The following RIMBP2 variants were observed in gnomAD, a reference collection of about 807,000 sequenced individuals.
The protein encoded by RIMBP2 is RIMS binding protein 2.
Under a neutral mutation model 118.6 loss-of-function variants are expected in RIMBP2, and 48 were observed. That is an observed-to-expected ratio of 0.40 (90% CI 0.32 to 0.51). The LOEUF is 0.51. RIMBP2 is among the 20% of genes least tolerant of loss of function. RIMBP2 has a pLI of 0.41. For missense variants in RIMBP2, 1,551 were observed against 1,768.3 expected, an observed-to-expected ratio of 0.88 and a Z score of 2.20; for synonymous variants, 762 against 742.9, an observed-to-expected ratio of 1.03 and a Z score of -0.42.
rs1396070843 is a variant in RIMBP2, at chr12:130,683,822, A to G, written c.-352+32400T>C. On this transcript the variant is annotated intron_variant, in intron 1 of 22. Transcript: ENST00000690449. This position sits in a 1 kb window ranked among gnomAD's most constrained non-coding sequence, Gnocchi z 4.4. Reference sequence around the variant, plus strand: ...GAATAATCCACCCCTTGTTTAGCATATAATTAAGAAATAACCATAAAAATA... The same window carrying G: ...GAATAATCCACCCCTTGTTTAGCATGTAATTAAGAAATAACCATAAAAATA... Among the ~76,000 whole-genome samples, 1 of 152,214 alleles carries G rather than the reference A, an allele frequency of 6.6e-6. No homozygotes were observed. Among genetic ancestry groups the G allele is most frequent in the Non-Finnish European group, 1.5e-5 (1 of 68,048 alleles).
chr12:130,685,672 G>GA (rs2065006444), intron 1 of RIMBP2, among the ~76,000 whole-genome samples: 2 of 152,118 alleles, frequency 1.3e-5, no homozygotes, highest in African/African-American at 4.8e-5. Context: ...GCCCTTGAAC[G>GA]GCTCAGGTTA....
At chr12:130,586,036 T>C (rs531561637) in intron 2 of RIMBP2, among the ~76,000 whole-genome samples, 2 of 152,356 alleles carry the variant, frequency 1.3e-5, no homozygotes, top group East Asian at 3.9e-4. Flanking sequence ...CTTAAAAGTA[T>C]TTCAAAAGTA....
chr12:130,634,155 C>G (rs1470936144), intron 1 of RIMBP2, among the ~76,000 whole-genome samples: 3 of 152,226 alleles, frequency 2.0e-5, no homozygotes, highest in East Asian at 3.8e-4. Context: ...TCCTCAGTCG[C>G]TCTCTTCCCC....
intron 2 of RIMBP2, among the ~76,000 whole-genome samples, chr12:130,522,789 T>A (rs1190550554): frequency 6.6e-6 from 1 of 152,046 alleles, no homozygotes; most frequent in African/African-American, 2.4e-5. Flanking sequence ...TGGACTGAAT[T>A]GCATCTCCCC....
At chr12:130,696,014 A>T (rs982890911) in intron 1 of RIMBP2, among the ~76,000 whole-genome samples, 2 of 152,094 alleles carry the variant, frequency 1.3e-5, no homozygotes, top group Non-Finnish European at 2.9e-5. Flanking sequence ...TTTTGGACAG[A>T]TGCATTTCAG....
At chr12:130,624,749 G>A (rs1046505623) in intron 2 of RIMBP2, among the ~76,000 whole-genome samples, 1 of 152,136 alleles carries the variant, frequency 6.6e-6, no homozygotes, top group African/African-American at 2.4e-5. Flanking sequence ...CTTTGAGACG[G>A]AGTCTTGCGC....
Position 130,525,684 on chromosome 12 carries a change from G to C in RIMBP2, c.-216-7767C>G, listed in dbSNP as rs1043041828. Among the ~76,000 whole-genome samples the C allele has an allele frequency of 6.6e-6, 1 of 152,182 alleles. No individual in the cohort carries two copies. Among genetic ancestry groups the C allele is most frequent in the African/African-American group, 2.4e-5 (1 of 41,438 alleles). Reference sequence around the variant, plus strand: ...CAGAGAGAAGGACGGGGCACTTGGGGATGAGATCGTATGGGGGGAGATGAC... The same window carrying C: ...CAGAGAGAAGGACGGGGCACTTGGGCATGAGATCGTATGGGGGGAGATGAC... On this transcript the variant is annotated intron_variant, in intron 2 of 22. Transcript: ENST00000690449. The surrounding 1 kb of genome is among the most constrained non-coding windows in gnomAD (Gnocchi z 4.4).
Position 130,420,565 on chromosome 12 carries a change from T to G in RIMBP2, c.3238+1888A>C, listed in dbSNP as rs1173560259. Among the ~76,000 whole-genome samples, 1 of 152,160 alleles carries G rather than the reference T, an allele frequency of 6.6e-6. No individual in the cohort carries two copies. The highest frequency in any genetic ancestry group is 2.4e-5 in the African/African-American group (1 of 41,432). ...GGGTTTTTATGATACTAATAAAACT[T>G]TAAAGCTTCTCACTGCTGATGAATG... On this transcript the variant is annotated intron_variant, in intron 17 of 22. Coordinates refer to ENST00000690449, the MANE Select transcript of RIMBP2 (RefSeq NM_001393629.1). This position sits in a 1 kb window ranked among gnomAD's most constrained non-coding sequence, Gnocchi z 4.3.
chr12:130,546,663 C>T (rs1245898803), intron 2 of RIMBP2, among the ~76,000 whole-genome samples: 1 of 152,122 alleles, frequency 6.6e-6, no homozygotes, highest in African/African-American at 2.4e-5. Flanking sequence ...CAGAGACAAC[C>T]TTCTTTTCAT....
intron 1 of RIMBP2, among the ~76,000 whole-genome samples, chr12:130,632,282 C>T (rs57569359): frequency 0.042 from 6,465 of 152,320 alleles, 255 homozygotes; most frequent in African/African-American, 0.11. Flanking sequence ...TCCACCAACA[C>T]ACATCCTATT....
chr12:130,707,238 G>A (rs1404274194), intron 1 of RIMBP2, among the ~76,000 whole-genome samples: 1 of 152,176 alleles, frequency 6.6e-6, no homozygotes, highest in Admixed American at 6.5e-5. Flanking sequence ...GTATCCAGCT[G>A]CAGATGCTGG....
rs2078992246 is a variant in RIMBP2, at chr12:130,451,308, T to C, written c.391A>G (p.Ile131Val). ...GGAAGGGGCCGGATATATTCACCGA[T>C]CGCAGAGCTGCCTCCAATAGCGCTC... Reference protein sequence around the residue: ...QESAIGGSSAIGEYIRPLPQP... With the variant: ...QESAIGGSSAVGEYIRPLPQP... Residue 131 changes from isoleucine (I) to valine (V), a missense_variant, in exon 8 of 23, where the codon ATC (isoleucine) becomes GTC (valine). Ile to Val is a conservative substitution (Grantham distance 29, BLOSUM62 3). Coordinates refer to ENST00000690449, the MANE Select transcript of RIMBP2 (RefSeq NM_001393629.1). The C allele has an allele frequency of 6.2e-7, 1 of 1,613,806 alleles. No homozygotes were observed. The highest frequency in any genetic ancestry group is 8.5e-7 in the Non-Finnish European group (1 of 1,179,848).
Position 130,460,379 on chromosome 12 carries a change from G to T in RIMBP2, c.154-3679C>A, listed in dbSNP as rs1593384856. 3.3e-5 allele frequency among the ~76,000 whole-genome samples: 5 copies of T among 152,318 alleles called. 1 individual carries two copies. Among genetic ancestry groups the T allele is most frequent in the Admixed American group, 3.3e-4 (5 of 15,294 alleles). ...GTATTGGTATTGATGAGCAGTACTAGTATCAGTAGTACTGGTATTTTCATC... is the reference window on the plus strand; with the variant it reads ...GTATTGGTATTGATGAGCAGTACTATTATCAGTAGTACTGGTATTTTCATC... On this transcript the variant is annotated intron_variant, in intron 6 of 22. Transcript: ENST00000690449.
chr12:130,569,976 C>T (rs1298938982), intron 2 of RIMBP2, among the ~76,000 whole-genome samples: 2 of 152,310 alleles, frequency 1.3e-5, no homozygotes, highest in Non-Finnish European at 1.5e-5. Context: ...ACTCTGCACA[C>T]ACTCATTTCA....
intron 2 of RIMBP2, among the ~76,000 whole-genome samples, chr12:130,610,045 CT>C (rs1288019314): frequency 6.6e-6 from 1 of 152,258 alleles, no homozygotes; most frequent in Non-Finnish European, 1.5e-5. Context: ...GTGGCCAGTT[CT>C]CTGGGCATCC....
intron 2 of RIMBP2, among the ~76,000 whole-genome samples, chr12:130,534,181 AAG>A (rs1491419533): frequency 0.2 from 18,321 of 93,602 alleles, 1,932 homozygotes; most frequent in African/African-American, 0.33. Flanking sequence ...AAAAAAAAAA[AAG>A]AGAGAGAGAG....
At chr12:130,535,573 C>A (rs1237210865) in intron 2 of RIMBP2, among the ~76,000 whole-genome samples, 3 of 151,808 alleles carry the variant, frequency 2.0e-5, no homozygotes, top group African/African-American at 7.2e-5. Flanking sequence ...AGCACCATTG[C>A]ATAGACTAAC....
At chr12:130,638,862 G>C (rs1044255313) in intron 1 of RIMBP2, among the ~76,000 whole-genome samples, 1 of 152,150 alleles carries the variant, frequency 6.6e-6, no homozygotes, top group African/African-American at 2.4e-5. Flanking sequence ...TACAGGGTCT[G>C]ATGCTATGAC....
chr12:130,614,043 G>C (rs2060742309), intron 2 of RIMBP2, among the ~76,000 whole-genome samples: 1 of 152,202 alleles, frequency 6.6e-6, no homozygotes, highest in Non-Finnish European at 1.5e-5. Flanking sequence ...CTGCAGGGCA[G>C]TGTTAGCAGG....
Sources: allele counts gnomAD v4.1 joint callset (sites outside exome capture counted in the v4.1 genomes callset), GRCh38; gene constraint gnomAD v4.1.1; non-coding constraint Gnocchi (gnomAD v3.1); transcripts MANE v1.5; gene names NCBI Gene and HGNC (gene_info 2026-07-23, HGNC 2026-07-21).